CNTNAP5: variants seen among roughly 807,000 people sequenced by gnomAD.
The protein encoded by CNTNAP5 is contactin associated protein family member 5, also known as contactin-associated protein-like 5.
Under a neutral mutation model 150.2 loss-of-function variants are expected in CNTNAP5, and 72 were observed. That is an observed-to-expected ratio of 0.48 (90% CI 0.40 to 0.58). The LOEUF (loss-of-function observed/expected upper bound fraction) is 0.58, where lower values mean the gene tolerates loss of function less well. CNTNAP5 is among the 20% of genes least tolerant of loss of function. CNTNAP5 has a pLI of 0.00. For missense variants in CNTNAP5, 1,636 were observed against 1,626.2 expected, an observed-to-expected ratio of 1.01 and a Z score of -0.10; for synonymous variants, 672 against 619.8, an observed-to-expected ratio of 1.08 and a Z score of -1.25.
At chr2:124,451,156 T>C (rs1424177295) in intron 6 of CNTNAP5, among the ~76,000 whole-genome samples, 1 of 147,884 alleles carries the variant, frequency 6.8e-6, no homozygotes, top group Non-Finnish European at 1.5e-5. Context: ...ACATACATAT[T>C]TGATTTACAT....
At position 124,393,874 on chromosome 2, in the gene CNTNAP5, A is replaced by T. The variant is rs143124216; in HGVS notation, c.382-23569A>T. On this transcript the variant is annotated intron_variant, in intron 3 of 23. Transcript: ENST00000682447. ...TTTGTGATTTATTTTCTGCAAAGTAAATTGCAATTCTTCTCTATATACGAA... is the reference window on the plus strand; with the variant it reads ...TTTGTGATTTATTTTCTGCAAAGTATATTGCAATTCTTCTCTATATACGAA... Among the ~76,000 whole-genome samples the T allele has an allele frequency of 5.5e-3, 840 of 152,322 alleles. 12 individuals carry two copies. Among genetic ancestry groups the T allele is most frequent in the African/African-American group, 0.019 (801 of 41,580 alleles).
intron 4 of CNTNAP5, among the ~76,000 whole-genome samples, chr2:124,418,814 A>G (rs1225501657): frequency 6.6e-6 from 1 of 152,136 alleles, no homozygotes; most frequent in Non-Finnish European, 1.5e-5. Flanking sequence ...CTGTTTGATA[A>G]CAATTTGTCA....
intron 13 of CNTNAP5, among the ~76,000 whole-genome samples, chr2:124,653,410 AGT>A (rs1678362724): frequency 6.6e-6 from 1 of 151,284 alleles, no homozygotes; most frequent in Non-Finnish European, 1.5e-5. Flanking sequence ...GATAGTATAT[AGT>A]ATATAGTATA....
chr2:124,790,202 A>G, intron 18 of CNTNAP5, 61 bp downstream of exon 18: 1 of 1,490,188 alleles, frequency 6.7e-7, no homozygotes. Flanking sequence ...CGCTATGGTC[A>G]GGCCATGTGA....
chr2:124,504,566 G>A lies in CNTNAP5; in HGVS notation c.1327+10G>A. 6.2e-7 allele frequency: 1 copy of A among 1,612,236 alleles called. No individual in the cohort carries two copies. Among genetic ancestry groups the A allele is most frequent in the African/African-American group, 1.3e-5 (1 of 74,982 alleles). On this transcript the variant is annotated intron_variant, in intron 8 of 23. Coordinates refer to ENST00000682447, the MANE Select transcript of CNTNAP5 (RefSeq NM_001367498.1). ...GCTGAAATCCTCACAGGTACTGTCT[G>A]CTGACACTCTGGATCAGCTTCTTGT...
chr2:124,755,199 T>C (rs998177653), intron 14 of CNTNAP5, among the ~76,000 whole-genome samples: 52 of 152,178 alleles, frequency 3.4e-4, no homozygotes, highest in African/African-American at 1.1e-3. Context: ...AAATACTTTT[T>C]TTTTTATCTT....
chr2:124,423,647 ATTAACTTTTTTTTTTTTTT>A (rs1692167206), intron 4 of CNTNAP5, among the ~76,000 whole-genome samples: 1 of 95,716 alleles, frequency 1.0e-5, no homozygotes, highest in Admixed American at 1.2e-4. Context: ...CGCCCGGCTA[ATTAACTTTTTTTTTTTTTT>A]TTTTTTTTTT....
intron 1 of CNTNAP5, among the ~76,000 whole-genome samples, chr2:124,168,094 T>A (rs1432346804): frequency 6.6e-6 from 1 of 152,222 alleles, no homozygotes; most frequent in African/African-American, 2.4e-5. Flanking sequence ...GGTCTTGCTA[T>A]AGGAAACACA....
chr2:124,568,714 A>G (rs1696085954), intron 11 of CNTNAP5, among the ~76,000 whole-genome samples: 1 of 152,104 alleles, frequency 6.6e-6, no homozygotes. Context: ...CCAAATATTT[A>G]TTATTGTAGC....
At chr2:124,414,029 G>T (rs1051325516) in intron 3 of CNTNAP5, among the ~76,000 whole-genome samples, 4 of 151,610 alleles carry the variant, frequency 2.6e-5, no homozygotes, top group African/African-American at 9.7e-5. Flanking sequence ...ATGTCAAAGT[G>T]CCATATTTTG....
chr2:124,460,757 TG>T (rs776536106), intron 6 of CNTNAP5, among the ~76,000 whole-genome samples: 13 of 152,342 alleles, frequency 8.5e-5, no homozygotes, highest in Non-Finnish European at 1.5e-4. Context: ...TACTTTTACT[TG>T]GCGTTGCCTA....
chr2:124,545,907 C>T (rs542104846), intron 10 of CNTNAP5, among the ~76,000 whole-genome samples: 2 of 152,248 alleles, frequency 1.3e-5, no homozygotes, highest in South Asian at 4.1e-4. Flanking sequence ...GGCTGGGATA[C>T]ATAGTAAGAT....
intron 16 of CNTNAP5, among the ~76,000 whole-genome samples, chr2:124,771,698 C>T (rs905048295): frequency 1.2e-4 from 18 of 148,452 alleles, no homozygotes; most frequent in Non-Finnish European, 1.5e-4. Flanking sequence ...CCATCACTGG[C>T]GCCATCACCA....
At chr2:124,443,742 T>TAGTA (rs779911528) in intron 5 of CNTNAP5, among the ~76,000 whole-genome samples, 9 of 151,810 alleles carry the variant, frequency 5.9e-5, no homozygotes, top group Non-Finnish European at 1.2e-4. Context: ...TTAAAGAACT[T>TAGTA]AGTAGTTGAT....
intron 1 of CNTNAP5, among the ~76,000 whole-genome samples, chr2:124,044,222 G>T (rs1681467659): frequency 6.6e-6 from 1 of 151,988 alleles, no homozygotes. Flanking sequence ...CTACTAATCT[G>T]GCTCATGACC....
chr2:124,705,132 T>A (rs564244186), intron 13 of CNTNAP5, among the ~76,000 whole-genome samples: 1 of 149,794 alleles, frequency 6.7e-6, no homozygotes, highest in Admixed American at 6.7e-5. Flanking sequence ...ACACACACAC[T>A]TTTTTTAATA....
chr2:124,894,338 A>T (rs931591462), intron 21 of CNTNAP5, among the ~76,000 whole-genome samples: 1 of 151,008 alleles, frequency 6.6e-6, no homozygotes, highest in East Asian at 1.9e-4. Flanking sequence ...TTGCTAAAAA[A>T]CCTCTCTTGG....
intron 12 of CNTNAP5, among the ~76,000 whole-genome samples, chr2:124,619,590 C>A (rs1677565771): frequency 6.6e-6 from 1 of 151,782 alleles, no homozygotes; most frequent in African/African-American, 2.4e-5. Context: ...ACATTTAAAT[C>A]AGTGGACTTT....
At chr2:124,047,014 G>A (rs114105841) in intron 1 of CNTNAP5, among the ~76,000 whole-genome samples, 1,536 of 152,264 alleles carry the variant, frequency 0.01, 8 homozygotes, top group Non-Finnish European at 0.015. Context: ...AGAGCGGCTT[G>A]TTCAAATGAT....
Sources: allele counts gnomAD v4.1 joint callset (sites outside exome capture counted in the v4.1 genomes callset), GRCh38; gene constraint gnomAD v4.1.1; transcripts MANE v1.5; gene names NCBI Gene and HGNC (gene_info 2026-07-23, HGNC 2026-07-21).